DNAL1: variants seen among roughly 807,000 people sequenced by gnomAD.
The protein encoded by DNAL1 is dynein axonemal light chain 1.
In DNAL1, 17 loss-of-function variants were observed where a neutral mutation model predicts 29.4. That is an observed-to-expected ratio of 0.58 (90% CI 0.40 to 0.87). The LOEUF is 0.87. DNAL1 is among the 40% of genes least tolerant of loss of function. DNAL1 has a pLI of 0.00. For synonymous variants in DNAL1, 78 were observed against 76.3 expected (o/e 1.02, Z -0.12); for missense variants, 188 against 214.1 (o/e 0.88, Z 0.76).
intron 4 of DNAL1, among the ~76,000 whole-genome samples, chr14:73,670,471 T>G (rs941964574): frequency 6.6e-6 from 1 of 152,182 alleles, no homozygotes; most frequent in Non-Finnish European, 1.5e-5. Flanking sequence ...CAGTAGTTTC[T>G]TGGAACAGAA....
At position 73,645,044 on chromosome 14, in the gene DNAL1, T is replaced by G; in HGVS notation, c.3+2T>G. On this transcript the variant is annotated splice_donor_variant, in intron 1 of 7. Transcript: ENST00000553645. LOFTEE classifies it high-confidence loss of function. ...GTGACAGTAGCAACCGCCGGAATGGTGAGTACCTTTCGGGCCGCGTAGCCA... is the reference window on the plus strand; with the variant it reads ...GTGACAGTAGCAACCGCCGGAATGGGGAGTACCTTTCGGGCCGCGTAGCCA... 1 of 1,608,930 alleles carries G rather than the reference T, an allele frequency of 6.2e-7. No homozygotes were observed. The highest frequency in any genetic ancestry group is 8.5e-7 in the Non-Finnish European group (1 of 1,178,136).
chr14:73,676,194 A>G (rs1025238873), intron 5 of DNAL1, among the ~76,000 whole-genome samples: 1 of 151,734 alleles, frequency 6.6e-6, no homozygotes, highest in Non-Finnish European at 1.5e-5. Flanking sequence ...AGATCACGCC[A>G]CTGCACTCCA....
chr14:73,683,483 G>A, intron 5 of DNAL1, among the ~76,000 whole-genome samples: 1 of 151,978 alleles, frequency 6.6e-6, no homozygotes. Flanking sequence ...TTGATGAAAT[G>A]TTATGCATTG....
intron 1 of DNAL1, among the ~76,000 whole-genome samples, chr14:73,651,846 G>A (rs113367872): frequency 2.0e-5 from 3 of 151,954 alleles, no homozygotes; most frequent in African/African-American, 7.3e-5. Context: ...TAGTAGAGAC[G>A]GGGTTTCACC....
At chr14:73,673,888 A>AG (rs1249152227) in intron 5 of DNAL1, among the ~76,000 whole-genome samples, 1 of 149,558 alleles carries the variant, frequency 6.7e-6, no homozygotes, top group Non-Finnish European at 1.5e-5. Flanking sequence ...ACAGAGGGGA[A>AG]AAAAAAAAGG....
chr14:73,681,324 G>C (rs1891869379), intron 5 of DNAL1, among the ~76,000 whole-genome samples: 1 of 151,130 alleles, frequency 6.6e-6, no homozygotes, highest in South Asian at 2.1e-4. Flanking sequence ...TACTAGAGAT[G>C]GGGTTTCACC....
At chr14:73,691,321 G>C (rs1484320579) in intron 7 of DNAL1, among the ~76,000 whole-genome samples, 1 of 152,128 alleles carries the variant, frequency 6.6e-6, no homozygotes, top group Non-Finnish European at 1.5e-5. Context: ...AGGCCGAGGT[G>C]GGAGGATCAC....
chr14:73,684,952 T>G (rs920439810), intron 5 of DNAL1, among the ~76,000 whole-genome samples: 2 of 152,164 alleles, frequency 1.3e-5, no homozygotes, highest in Admixed American at 1.3e-4. Context: ...GCTCTCCCAC[T>G]TCTGTAACCT....
At chr14:73,665,859 T>A (rs1306874962) in intron 4 of DNAL1, among the ~76,000 whole-genome samples, 1 of 152,080 alleles carries the variant, frequency 6.6e-6, no homozygotes, top group Non-Finnish European at 1.5e-5. Flanking sequence ...GGCAGTGGGT[T>A]TTAAATCACT....
intron 5 of DNAL1, among the ~76,000 whole-genome samples, chr14:73,674,163 CTCA>C (rs1232060966): frequency 6.6e-6 from 1 of 152,156 alleles, no homozygotes; most frequent in African/African-American, 2.4e-5. Flanking sequence ...CCTTTCTGAT[CTCA>C]TTTCATGTTT....
intron 1 of DNAL1, among the ~76,000 whole-genome samples, chr14:73,652,761 C>T (rs754648768): frequency 2.0e-5 from 3 of 152,028 alleles, no homozygotes; most frequent in South Asian, 2.1e-4. Context: ...AATGTGTGAA[C>T]GCCTATCTCA....
chr14:73,683,463 G>C (rs1891939995), intron 5 of DNAL1, among the ~76,000 whole-genome samples: 1 of 152,040 alleles, frequency 6.6e-6, no homozygotes, highest in African/African-American at 2.4e-5. Context: ...ATTGTATATA[G>C]AGTCAATCAT....
At chr14:73,656,727 A>T (rs1270101179) in intron 2 of DNAL1, among the ~76,000 whole-genome samples, 8 of 151,484 alleles carry the variant, frequency 5.3e-5, no homozygotes, top group African/African-American at 1.2e-4. Flanking sequence ...TGCCTGGCCC[A>T]TGCATTTTTG....
At chr14:73,676,783 G>A (rs559799845) in intron 5 of DNAL1, among the ~76,000 whole-genome samples, 6 of 151,706 alleles carry the variant, frequency 4.0e-5, no homozygotes, top group South Asian at 2.1e-4. Context: ...AGTTATTTGC[G>A]TATTTACATG....
At chr14:73,684,663 G>A (rs532858818) in intron 5 of DNAL1, among the ~76,000 whole-genome samples, 53 of 152,274 alleles carry the variant, frequency 3.5e-4, no homozygotes, top group African/African-American at 1.2e-3. Context: ...TTGGGAGGTC[G>A]AGGCAGGATT....
At chr14:73,663,761 A>G (rs569512250) in intron 4 of DNAL1, among the ~76,000 whole-genome samples, 3 of 152,208 alleles carry the variant, frequency 2.0e-5, no homozygotes, top group Non-Finnish European at 4.4e-5. Context: ...TGAAAGTTTA[A>G]TGAGTGAAAA....
chr14:73,686,472 G>C (rs1292807976), intron 5 of DNAL1, among the ~76,000 whole-genome samples: 1 of 152,180 alleles, frequency 6.6e-6, no homozygotes, highest in Non-Finnish European at 1.5e-5. Context: ...GGGAGGCCGA[G>C]GCGGGCAGAT....
In DNAL1 at chr14:73,677,852, C is replaced by CG. The variant is rs548973886; in HGVS notation, c.264+6257dup. ...GATTACAGGCGTGAGCCACCATGCC[C>CG]GGCCCATATATTTATATATATATAT... On this transcript the variant is annotated intron_variant, in intron 5 of 7. Coordinates refer to ENST00000553645, the MANE Select transcript of DNAL1 (RefSeq NM_031427.4). Among the ~76,000 whole-genome samples the CG allele has an allele frequency of 4.0e-3, 581 of 146,632 alleles. 3 individuals are homozygous for CG. The highest frequency in any genetic ancestry group is 0.014 in the African/African-American group (560 of 39,568).
chr14:73,690,037 C>CAAAAA (rs569314573), intron 7 of DNAL1, among the ~76,000 whole-genome samples: 3 of 33,280 alleles, frequency 9.0e-5, no homozygotes, highest in Non-Finnish European at 1.9e-4. Flanking sequence ...AATTCCGTCT[C>CAAAAA]AAAAAAAAAA....
Sources: allele counts gnomAD v4.1 joint callset (sites outside exome capture counted in the v4.1 genomes callset), GRCh38; gene constraint gnomAD v4.1.1; transcripts MANE v1.5; gene names NCBI Gene and HGNC (gene_info 2026-07-23, HGNC 2026-07-21).